The following LSAMP variants were observed in gnomAD, a reference collection of about 807,000 sequenced individuals.
LSAMP encodes limbic system-associated membrane protein.
A neutral mutation model predicts 38.6 loss-of-function variants in LSAMP; 7 were observed. The ratio of observed to expected loss-of-function variants is 0.18; its 90% CI spans 0.10 to 0.34. LSAMP has a LOEUF of 0.34. Ranked by LOEUF, LSAMP falls within the 10% of genes least tolerant of loss-of-function variation. The pLI, the probability that LSAMP is intolerant of heterozygous loss-of-function variation, is 1.00. For synonymous variants in LSAMP, 154 were observed against 166.8 expected (o/e 0.92, Z 0.59); for missense variants, 313 against 420.0 (o/e 0.75, Z 2.23).
chr3:116,348,114 T>C (rs572512051), intron 1 of LSAMP, among the ~76,000 whole-genome samples: 2 of 152,014 alleles, frequency 1.3e-5, no homozygotes, highest in Non-Finnish European at 2.9e-5. Flanking sequence ...GTTTGAACCA[T>C]CAACTATACA....
intron 3 of LSAMP, among the ~76,000 whole-genome samples, chr3:115,890,371 T>C (rs999909586): frequency 3.3e-5 from 5 of 151,906 alleles, no homozygotes; most frequent in Non-Finnish European, 1.5e-5. Context: ...TACATGATAA[T>C]CCAACAAGCA....
At chr3:116,136,827 T>C (rs1390611174) in intron 1 of LSAMP, among the ~76,000 whole-genome samples, 2 of 152,092 alleles carry the variant, frequency 1.3e-5, no homozygotes, top group Admixed American at 6.6e-5. Flanking sequence ...AATATCATAA[T>C]GTCAAAGTCA....
At chr3:116,039,359 C>T (rs76992980) in intron 2 of LSAMP, among the ~76,000 whole-genome samples, 2,543 of 152,288 alleles carry the variant, frequency 0.017, 71 homozygotes, top group African/African-American at 0.057. Context: ...GGATGAGACC[C>T]TGCTTATACA....
chr3:116,421,213 T>C (rs985155713), intron 1 of LSAMP, among the ~76,000 whole-genome samples: 4 of 152,060 alleles, frequency 2.6e-5, no homozygotes, highest in African/African-American at 7.2e-5. Context: ...TTTTACACTT[T>C]AAAAGAAAAT....
intron 1 of LSAMP, among the ~76,000 whole-genome samples, chr3:116,381,450 C>T (rs1055541009): frequency 1.3e-5 from 2 of 151,938 alleles, no homozygotes; most frequent in African/African-American, 2.4e-5. Context: ...AGTAAAACAC[C>T]AGTATTATAA....
intron 1 of LSAMP, chr3:116,367,854 A>G (rs907291285): frequency 6.6e-6 from 1 of 152,122 alleles, no homozygotes; most frequent in Non-Finnish European, 1.5e-5. Flanking sequence ...GAACAAAAAA[A>G]AAACTTTACA....
intron 3 of LSAMP, among the ~76,000 whole-genome samples, chr3:115,956,800 A>G (rs1450528436): frequency 6.6e-6 from 1 of 152,170 alleles, no homozygotes; most frequent in Non-Finnish European, 1.5e-5. Flanking sequence ...ATCTTAAATG[A>G]GGATTTATTG....
At chr3:115,938,988 T>C (rs959292442) in intron 3 of LSAMP, among the ~76,000 whole-genome samples, 1 of 152,212 alleles carries the variant, frequency 6.6e-6, no homozygotes, top group Admixed American at 6.5e-5. Context: ...TTTTATTCTA[T>C]GTGTTTCATT....
intron 1 of LSAMP, among the ~76,000 whole-genome samples, chr3:116,124,423 TGTGTG>T (rs894159865): frequency 6.6e-6 from 1 of 152,296 alleles, no homozygotes; most frequent in African/African-American, 2.4e-5. Context: ...AATTATTCAG[TGTGTG>T]GTCTTTGTCT....
chr3:116,282,292 AT>A (rs1450104723), intron 1 of LSAMP, among the ~76,000 whole-genome samples: 3 of 152,166 alleles, frequency 2.0e-5, no homozygotes, highest in African/African-American at 7.2e-5. Flanking sequence ...TACCATGTAA[AT>A]ATCCAAAATA....
intron 1 of LSAMP, among the ~76,000 whole-genome samples, chr3:116,196,734 A>C (rs1295526201): frequency 6.6e-6 from 1 of 152,124 alleles, no homozygotes; most frequent in Non-Finnish European, 1.5e-5. Flanking sequence ...GTTATGGGTA[A>C]AATTTTAAAG....
chr3:115,980,810 G>A (rs544498560), intron 3 of LSAMP, among the ~76,000 whole-genome samples: 1 of 152,140 alleles, frequency 6.6e-6, no homozygotes, highest in South Asian at 2.1e-4. Context: ...TTACCCCTAA[G>A]GTCATATATC....
intron 1 of LSAMP, among the ~76,000 whole-genome samples, chr3:116,213,017 A>G (rs983001545): frequency 2.0e-5 from 3 of 152,204 alleles, no homozygotes; most frequent in African/African-American, 4.8e-5. Context: ...TACTGTGTGC[A>G]TTTTTTAAAC....
chr3:116,225,967 A>C (rs796519470), intron 1 of LSAMP, among the ~76,000 whole-genome samples: 1 of 152,136 alleles, frequency 6.6e-6, no homozygotes, highest in South Asian at 2.1e-4. Context: ...CTCTTTTTGC[A>C]ACTTATGTTC....
chr3:116,300,749 C>G (rs1477843474), intron 1 of LSAMP, among the ~76,000 whole-genome samples: 2 of 152,122 alleles, frequency 1.3e-5, no homozygotes, highest in Admixed American at 1.3e-4. Flanking sequence ...AAATCGCCTT[C>G]TATGAAACCA....
intron 2 of LSAMP, among the ~76,000 whole-genome samples, chr3:116,033,928 TTTGGTACTG>T: frequency 6.6e-6 from 1 of 152,150 alleles, no homozygotes; most frequent in African/African-American, 2.4e-5. Context: ...CAGCTCTATA[TTTGGTACTG>T]CCCTTGTGGC....
intron 1 of LSAMP, among the ~76,000 whole-genome samples, chr3:116,392,776 G>T (rs985415089): frequency 6.6e-6 from 1 of 152,176 alleles, no homozygotes; most frequent in African/African-American, 2.4e-5. Flanking sequence ...CTTCCTCTGA[G>T]GCTCATAAAA....
At chr3:115,815,595 G>C (rs1198428543) in intron 6 of LSAMP, among the ~76,000 whole-genome samples, 1 of 152,128 alleles carries the variant, frequency 6.6e-6, no homozygotes, top group African/African-American at 2.4e-5. Context: ...CCAATACGTA[G>C]AACTTCTGGT....
At chr3:115,829,155 G>A (rs1934525390) in intron 6 of LSAMP, among the ~76,000 whole-genome samples, 1 of 152,118 alleles carries the variant, frequency 6.6e-6, no homozygotes, top group Admixed American at 6.5e-5. Context: ...TTTAGCAGGG[G>A]AGAGAACAAC....
Sources: allele counts gnomAD v4.1 joint callset (sites outside exome capture counted in the v4.1 genomes callset), GRCh38; gene constraint gnomAD v4.1.1; transcripts MANE v1.5; gene names NCBI Gene and HGNC (gene_info 2026-07-23, HGNC 2026-07-21).